Variants in ABT1 observed in about 807,000 individuals in gnomAD.
ABT1 encodes activator of basal transcription 1.
A neutral mutation model predicts 14.0 loss-of-function variants in ABT1; 13 were observed. That is an observed-to-expected ratio of 0.93 (90% CI 0.61 to 1.48). ABT1 has a LOEUF of 1.48. Among genes scored for constraint, ABT1 ranks in the 40% most tolerant of loss-of-function variants. ABT1 has a pLI of 0.00. For missense variants in ABT1, 430 were observed against 380.0 expected, an observed-to-expected ratio of 1.13 and a Z score of -1.09; for synonymous variants, 165 against 144.6, an observed-to-expected ratio of 1.14 and a Z score of -1.01.
At position 26,599,581 on chromosome 6, in the gene ABT1, T is replaced by G. The variant is rs45600933; in HGVS notation, c.*936T>G. ...ATTCCTACAAAGTAAACTGGGAGAA[T>G]AATAAGTCTGAAAGAGTGTGGAGTG... On this transcript the variant is annotated 3_prime_UTR_variant, in exon 3 of 3. Transcript: ENST00000274849. 0.081 allele frequency: 12,345 copies of G among 152,178 alleles called. 516 individuals carry two copies. The highest frequency in any genetic ancestry group is 0.11 in the Middle Eastern group (32 of 294). 9.4% of individuals were successfully genotyped at this position (152,178 alleles called of 1,614,324 possible). A position where few individuals can be genotyped will look rare whatever the true frequency, so the allele number is the denominator to read the frequency against.
chr6:26,597,064 G>GAGC lies in ABT1; in HGVS notation c.85_87dup (p.Gln29dup). The stretch of plus-strand genomic sequence containing the variant: ...AGAACAGACACTAGATGCGGAGGAG[G>GAGC]AGCAGGAGGAATCCGAAGAAGCGGC... On this transcript the variant is annotated inframe_insertion, in exon 1 of 3. Coordinates refer to ENST00000274849, the MANE Select transcript of ABT1 (RefSeq NM_013375.4). 6.2e-7 allele frequency: 1 copy of GAGC among 1,613,984 alleles called. No individual in the cohort carries two copies. The highest frequency in any genetic ancestry group is 1.1e-5 in the South Asian group (1 of 91,060).
Position 26,598,524 on chromosome 6 carries a change from GGGCTCGCCT to G in ABT1, c.702_710del (p.Arg235_Ala237del), listed in dbSNP as rs1554144820. The G allele has an allele frequency of 6.2e-7, 1 of 1,613,712 alleles. No individual in the cohort carries two copies. On this transcript the variant is annotated inframe_deletion, in exon 3 of 3. Coordinates refer to ENST00000274849, the MANE Select transcript of ABT1 (RefSeq NM_013375.4). ...GCAGCACGGCCAGGGGGACGTGAAC[GGGCTCGCCT>G]GGCAACTGCCCAGGACAAGGCCCGC...
Position 26,598,569 on chromosome 6 carries a change from G to T in ABT1, c.743G>T (p.Gly248Val), listed in dbSNP as rs1554144832. The T allele has an allele frequency of 6.2e-7, 1 of 1,607,894 alleles. No individual in the cohort carries two copies. The highest frequency in any genetic ancestry group is 1.7e-5 in the Admixed American group (1 of 59,926). Reference sequence around the variant, plus strand: ...CAGGACAAGGCCCGCTCCAACAAAGGGCTCCTGGCCAGGATCTTTGGAGCC... The same window carrying T: ...CAGGACAAGGCCCGCTCCAACAAAGTGCTCCTGGCCAGGATCTTTGGAGCC... The part of the protein sequence containing the change: ...TAQDKARSNK[G>V]LLARIFGAPP... The change falls in exon 3 of 3, where the codon GGG (glycine) becomes GTG (valine). Residue 248 changes from glycine (G) to valine (V), a missense_variant. Physicochemically the swap from Gly to Val is moderately radical, Grantham distance 109. Coordinates refer to ENST00000274849, the MANE Select transcript of ABT1 (RefSeq NM_013375.4).
Position 26,598,911 on chromosome 6 carries a change from T to A in ABT1, c.*266T>A, listed in dbSNP as rs954433446. ...TTGTTTTGTTTGACTCTTGGCTGCC[T>A]ACGTCTGTAGGGTCCCCTGAAAATC... On this transcript the variant is annotated 3_prime_UTR_variant, in exon 3 of 3. Coordinates refer to ENST00000274849, the MANE Select transcript of ABT1 (RefSeq NM_013375.4). 2.8e-6 allele frequency: 1 copy of A among 352,644 alleles called. No individual in the cohort carries two copies. The allele number at this position is 352,644 out of a possible 1,614,324, so 21.8% of individuals were successfully genotyped here.
chr6:26,597,939 G>GGCA lies in ABT1; in HGVS notation c.276_278dup (p.Ala94dup). The GGCA allele has an allele frequency of 6.2e-7, 1 of 1,613,276 alleles. No homozygotes were observed. Among genetic ancestry groups the GGCA allele is most frequent in the Non-Finnish European group, 8.5e-7 (1 of 1,179,436 alleles). ...ACCGGTTCGTGAGACGCAAGAAGAA[G>GGCA]GCAGCAGCAGCTGCCGGAGGAAAAA... On this transcript the variant is annotated inframe_insertion, in exon 2 of 3. Transcript: ENST00000274849.
chr6:26,596,956 G>GC lies in ABT1; in HGVS notation c.-25dup, dbSNP rs1561909560. On this transcript the variant is annotated 5_prime_UTR_variant, in exon 1 of 3. Transcript: ENST00000274849. ...GCGTCAGTTGGCAAGGCACTTTACGGCCGTCGTGCCGCTCGTGTCAGTCAA... is the reference window on the plus strand; with the variant it reads ...GCGTCAGTTGGCAAGGCACTTTACGGCCCGTCGTGCCGCTCGTGTCAGTCAA... The GC allele has an allele frequency of 6.3e-7, 1 of 1,599,462 alleles. No individual in the cohort carries two copies. Among genetic ancestry groups the GC allele is most frequent in the Non-Finnish European group, 8.5e-7 (1 of 1,173,568 alleles).
rs572183476 is a variant in ABT1 at position 26,600,180 on chromosome 6, C to T, written c.*1535C>T. 6.6e-6 allele frequency: 1 copy of T among 152,244 alleles called. No individual in the cohort carries two copies. The highest frequency in any genetic ancestry group is 1.5e-5 in the Non-Finnish European group (1 of 68,022). 9.4% of individuals were successfully genotyped at this position (152,244 alleles called of 1,614,324 possible). On this transcript the variant is annotated 3_prime_UTR_variant, in exon 3 of 3. Coordinates refer to ENST00000274849, the MANE Select transcript of ABT1 (RefSeq NM_013375.4). ...GTTTGTTTCATGTGAATTGTTTCCT[C>T]AGATCATTGATGTCTTAAAGTGAAA...
Position 26,598,723 on chromosome 6 carries a change from C to T in ABT1, c.*78C>T, listed in dbSNP as rs1277149684. ...TCATACTAGAATGATCGTGACTACC[C>T]GGGCAGACATTTTACTGTGTTTCTC... On this transcript the variant is annotated 3_prime_UTR_variant, in exon 3 of 3. Coordinates refer to ENST00000274849, the MANE Select transcript of ABT1 (RefSeq NM_013375.4). 1.5e-5 allele frequency: 22 copies of T among 1,473,678 alleles called. No individual in the cohort carries two copies. The highest frequency in any genetic ancestry group is 2.8e-5 in the South Asian group (2 of 71,230). The allele number at this position is 1,473,678 out of a possible 1,614,324, so 91.3% of individuals were successfully genotyped here.
At position 26,597,156 on chromosome 6, in the gene ABT1, G is replaced by A. The variant is rs114752296; in HGVS notation, c.174G>A (p.Arg58=). ...TGGGCCATATCCCGCCGCGCTTCCG[G>A]CCCCTGCACGTCCGCAACCTTCTCA... ...VYLGHIPPRF[R]PLHVRNLLSA... is the part of the protein sequence containing the mutation. The change falls in exon 1 of 3, where the codon CGG becomes CGA. Residue 58 remains arginine, a synonymous_variant. Coordinates refer to ENST00000274849, the MANE Select transcript of ABT1 (RefSeq NM_013375.4). 0.022 allele frequency: 34,965 copies of A among 1,614,214 alleles called. 469 individuals are homozygous for A. The highest frequency in any genetic ancestry group is 0.025 in the Non-Finnish European group (29,746 of 1,180,014).
chr6:26,597,423 G>A (rs560692813), intron 1 of ABT1, among the ~76,000 whole-genome samples, 200 bp downstream of exon 1: 68 of 152,266 alleles, frequency 4.5e-4, no homozygotes, highest in African/African-American at 1.6e-3. Context: ...GGGATATGGG[G>A]AGAGTGGGTA....
In ABT1 at chr6:26,598,117, A is replaced by G. The variant is rs782341642; in HGVS notation, c.438+7A>G. On this transcript the variant is annotated splice_region_variant and intron_variant, in intron 2 of 2. Coordinates refer to ENST00000274849, the MANE Select transcript of ABT1 (RefSeq NM_013375.4). ...TGATCTTTGGAACCTCAAGGTGAGA[A>G]GATAGATCTTTCTGCCACACCTCTC... 3.7e-6 allele frequency: 6 copies of G among 1,600,690 alleles called. No individual in the cohort carries two copies. The highest frequency in any genetic ancestry group is 1.7e-4 in the Middle Eastern group (1 of 6,046).
In ABT1 at chr6:26,598,913, C is replaced by T. The variant is rs1228607416; in HGVS notation, c.*268C>T. On this transcript the variant is annotated 3_prime_UTR_variant, in exon 3 of 3. Transcript: ENST00000274849. ...GTTTTGTTTGACTCTTGGCTGCCTACGTCTGTAGGGTCCCCTGAAAATCCC... is the reference window on the plus strand; with the variant it reads ...GTTTTGTTTGACTCTTGGCTGCCTATGTCTGTAGGGTCCCCTGAAAATCCC... The T allele has an allele frequency of 1.2e-5, 4 of 340,332 alleles. No individual in the cohort carries two copies. Among genetic ancestry groups the T allele is most frequent in the African/African-American group, 2.1e-5 (1 of 47,616 alleles). 21.1% of individuals were successfully genotyped at this position (340,332 alleles called of 1,614,324 possible).
intron 2 of ABT1, 23 bp downstream of exon 2, chr6:26,598,133 C>T: frequency 6.3e-7 from 1 of 1,593,352 alleles, no homozygotes; most frequent in Non-Finnish European, 8.6e-7. Context: ...ATCTTTCTGC[C>T]ACACCTCTCA....
In ABT1 at chr6:26,599,933, G is replaced by A. The variant is rs1764954847; in HGVS notation, c.*1288G>A. 1 of 152,186 alleles carries A rather than the reference G, an allele frequency of 6.6e-6. No individual in the cohort carries two copies. The highest frequency in any genetic ancestry group is 6.5e-5 in the Admixed American group (1 of 15,276). The allele number at this position is 152,186 out of a possible 1,614,324, so 9.4% of individuals were successfully genotyped here. On this transcript the variant is annotated 3_prime_UTR_variant, in exon 3 of 3. Transcript: ENST00000274849. ...TTTGTTTTTCATCTGTCAATGTGAT[G>A]ATCTGTGTTTTATAGGGTAGAGTGG...
rs1764958352 is a variant in ABT1 at position 26,600,242 on chromosome 6, TATTC to T, written c.*1601_*1604del. On this transcript the variant is annotated 3_prime_UTR_variant, in exon 3 of 3. Transcript: ENST00000274849. ...AGAATCAGAATTTGACAGGCTGGCA[TATTC>T]ATTTATTCAGAATTCCAAGTGCCCA... The T allele has an allele frequency of 6.6e-6, 1 of 152,234 alleles. No individual in the cohort carries two copies. Among genetic ancestry groups the T allele is most frequent in the African/African-American group, 2.4e-5 (1 of 41,458 alleles). 9.4% of individuals were successfully genotyped at this position (152,234 alleles called of 1,614,324 possible).
chr6:26,598,801 T>G lies in ABT1; in HGVS notation c.*156T>G. 1.0e-6 allele frequency: 1 copy of G among 968,514 alleles called. No homozygotes were observed. Among genetic ancestry groups the G allele is most frequent in the East Asian group, 2.7e-5 (1 of 37,334 alleles). 60.0% of individuals were successfully genotyped at this position (968,514 alleles called of 1,614,324 possible). A position where few individuals can be genotyped will look rare whatever the true frequency, so the allele number is the denominator to read the frequency against. Reference sequence around the variant, plus strand: ...CATGGAGTTTTGTGGGCTTCCACTGTCCCCACTCCGAACTCCTGTATGTGC... The same window carrying G: ...CATGGAGTTTTGTGGGCTTCCACTGGCCCCACTCCGAACTCCTGTATGTGC... On this transcript the variant is annotated 3_prime_UTR_variant, in exon 3 of 3. Transcript: ENST00000274849.
intron 2 of ABT1, 21 bp downstream of exon 2, chr6:26,598,131 G>A (rs1006653013): frequency 8.1e-6 from 13 of 1,595,206 alleles, no homozygotes; most frequent in Non-Finnish European, 1.0e-5. Flanking sequence ...AGATCTTTCT[G>A]CCACACCTCT....
chr6:26,598,247 C>T lies in ABT1; in HGVS notation c.439-18C>T, dbSNP rs782106503. On this transcript the variant is annotated intron_variant, in intron 2 of 2. Transcript: ENST00000274849. ...CTAATCTGCACTATCCTGATCTTTT[C>T]TTCTTTTCTGCCCACAGTACTTGCA... 3.1e-6 allele frequency: 5 copies of T among 1,603,960 alleles called. No individual in the cohort carries two copies. Among genetic ancestry groups the T allele is most frequent in the East Asian group, 4.5e-5 (2 of 44,628 alleles).
rs1554144560 is a variant in ABT1, at chr6:26,597,116, C to T, written c.134C>T (p.Pro45Leu). The T allele has an allele frequency of 5.6e-6, 9 of 1,614,112 alleles. No homozygotes were observed. Among genetic ancestry groups the T allele is most frequent in the South Asian group, 3.3e-5 (3 of 91,076 alleles). ...TGTGGCAGCAAGAAACGGGTAGTGC[C>T]AGGTATTGTGTACCTGGGCCATATC... is the stretch of plus-strand genomic sequence containing the variant. ...AACGSKKRVV[P>L]GIVYLGHIPP... is the part of the protein sequence containing the mutation. Residue 45 changes from proline (P) to leucine (L), a missense_variant, in exon 1 of 3, where the codon CCA becomes CTA. Transcript: ENST00000274849.
Sources: gnomAD v4.1 joint callset for allele counts (sites outside exome capture counted in the v4.1 genomes callset) on GRCh38, gnomAD v4.1.1 for gene constraint, MANE v1.5 for transcripts, NCBI Gene and HGNC (gene_info 2026-07-23, HGNC 2026-07-21) for gene names.